Variants in WT1 observed in about 807,000 individuals in gnomAD.
WT1 encodes WT1 transcription factor, also known as Wilms tumor protein.
In WT1, 8 loss-of-function variants were observed where a neutral mutation model predicts 60.8. The ratio of observed to expected loss-of-function variants is 0.13; its 90% confidence interval spans 0.08 to 0.24. The LOEUF (loss-of-function observed/expected upper bound fraction) is 0.24. WT1 is among the 10% of genes least tolerant of loss of function. The pLI is 1.00. For missense variants in WT1, 568 were observed against 711.8 expected (o/e 0.80, Z 2.30); for synonymous variants, 312 against 297.1 (o/e 1.05, Z -0.52).
chr11:32,408,430 A>T (rs1852388851), intron 5 of WT1, among the ~76,000 whole-genome samples: 1 of 148,600 alleles, frequency 6.7e-6, no homozygotes, highest in African/African-American at 2.5e-5. Context: ...CAGGAGAATC[A>T]CTTGAACCCA....
intron 3 of WT1, among the ~76,000 whole-genome samples, chr11:32,426,215 A>G (rs1458557064): frequency 1.3e-5 from 2 of 152,172 alleles, no homozygotes; most frequent in African/African-American, 4.8e-5. Flanking sequence ...CTCCCGCATC[A>G]AGGTCTTCTC....
chr11:32,403,347 C>T (rs951533843), intron 5 of WT1, among the ~76,000 whole-genome samples: 13 of 152,000 alleles, frequency 8.6e-5, no homozygotes, highest in African/African-American at 2.4e-4. Flanking sequence ...AAAAGCAACT[C>T]GGTCTGGGAA....
chr11:32,428,117 C>G (rs1474905818), intron 2 of WT1, 59 bp from the exon 3 acceptor site: 1 of 1,461,472 alleles, frequency 6.8e-7, no homozygotes, highest in African/African-American at 1.4e-5. Context: ...GGGTGCGAGG[C>G]TGCGGGCAGG....
chr11:32,421,376 G>C (rs1251175191), intron 3 of WT1, among the ~76,000 whole-genome samples: 1 of 152,246 alleles, frequency 6.6e-6, no homozygotes, highest in Non-Finnish European at 1.5e-5. Flanking sequence ...CTGTGGTCAC[G>C]TAGGCATTTC....
In WT1 at chr11:32,389,005, C is replaced by G. The variant is rs1422395057; in HGVS notation, c.*53G>C. On this transcript the variant is annotated 3_prime_UTR_variant, in exon 10 of 10. Transcript: ENST00000452863. ...AGGAGTGGAGAGTCAGACTTGAAAGCAGTTCACACACTGTGCTGCCTGGGA... is the reference window on the plus strand; with the variant it reads ...AGGAGTGGAGAGTCAGACTTGAAAGGAGTTCACACACTGTGCTGCCTGGGA... The G allele has an allele frequency of 6.2e-7, 1 of 1,613,300 alleles. No homozygotes were observed.
At chr11:32,391,742 C>G (rs1340551390) in intron 9 of WT1, among the ~76,000 whole-genome samples, 1 of 152,212 alleles carries the variant, frequency 6.6e-6, no homozygotes, top group Non-Finnish European at 1.5e-5. Context: ...ATTCTGCACA[C>G]TCCAGCCATT....
At chr11:32,426,210 G>C (rs186901506) in intron 3 of WT1, among the ~76,000 whole-genome samples, 8 of 152,172 alleles carry the variant, frequency 5.3e-5, no homozygotes, top group African/African-American at 1.9e-4. Context: ...GCCCACTCCC[G>C]CATCAAGGTC....
intron 1 of WT1, among the ~76,000 whole-genome samples, chr11:32,434,001 T>C (rs1296489050): frequency 6.6e-6 from 1 of 152,222 alleles, no homozygotes; most frequent in African/African-American, 2.4e-5. Flanking sequence ...TCAAGTTCTC[T>C]TCCATCCCCA....
In WT1 at chr11:32,417,032, T is replaced by C. The variant is rs5030204; in HGVS notation, c.966-492A>G. The stretch of plus-strand genomic sequence containing the variant: ...AGTCCCACCTGCCTTCTTTTTTTTA[T>C]TTTTTCATTTTTAGGTGCAAAGAGT... On this transcript the variant is annotated intron_variant, in intron 4 of 9. Transcript: ENST00000452863. 6.5e-3 allele frequency among the ~76,000 whole-genome samples: 990 copies of C among 152,266 alleles called. 8 individuals carry two copies. Among genetic ancestry groups the C allele is most frequent in the African/African-American group, 0.023 (937 of 41,540 alleles).
rs767850217 is a variant in WT1, at chr11:32,434,770, C to T, written c.591G>A (p.Gln197=). Reference sequence around the variant, plus strand: ...AGGGCGCGTTAGGAAACATCCTGGCCTGGCCGGATGACGCCTGGCTGGGCG... The same window carrying T: ...AGGGCGCGTTAGGAAACATCCTGGCTTGGCCGGATGACGCCTGGCTGGGCG... The change falls in exon 1 of 10, where the codon CAG becomes CAA. Residue 197 remains glutamine, a synonymous_variant. Transcript: ENST00000452863. 6.2e-7 allele frequency: 1 copy of T among 1,612,664 alleles called. No individual in the cohort carries two copies. The highest frequency in any genetic ancestry group is 8.5e-7 in the Non-Finnish European group (1 of 1,179,874).
At chr11:32,429,044 G>A (rs1853171002) in intron 1 of WT1, 1 of 304,252 alleles carries the variant, frequency 3.3e-6, no homozygotes. Context: ...GGCTAACCCC[G>A]CGTTGACTCC....
intron 5 of WT1, among the ~76,000 whole-genome samples, chr11:32,407,577 A>C (rs1380638626): frequency 6.6e-6 from 1 of 152,126 alleles, no homozygotes; most frequent in African/African-American, 2.4e-5. Context: ...TGCAGAGTTA[A>C]TCAGATTGAA....
chr11:32,421,700 G>A (rs755324436), intron 3 of WT1, among the ~76,000 whole-genome samples: 10 of 152,060 alleles, frequency 6.6e-5, no homozygotes, highest in African/African-American at 2.4e-5. Flanking sequence ...TTAAGTTCTC[G>A]ACCTCTGCAC....
At chr11:32,407,244 C>CA (rs1394996010) in intron 5 of WT1, among the ~76,000 whole-genome samples, 1 of 137,800 alleles carries the variant, frequency 7.3e-6, no homozygotes, top group East Asian at 1.9e-4. Context: ...TCAGGAAAAA[C>CA]AAAAAAACAA....
intron 1 of WT1, chr11:32,430,457 A>AGG (rs1853253757): frequency 1.3e-4 from 25 of 194,764 alleles, no homozygotes; most frequent in Admixed American, 3.2e-4. Context: ...AGAGGGAGGG[A>AGG]GAGAGAGAGA....
At position 32,396,711 on chromosome 11, in the gene WT1, G is replaced by T. The variant is rs547004602; in HGVS notation, c.1114-304C>A. On this transcript the variant is annotated intron_variant, in intron 6 of 9. Transcript: ENST00000452863. ...GCAAAAGAAATGCTGGTACCTGGAA[G>T]AGCTCCCAATCCATTCTATCTCTCA... Among the ~76,000 whole-genome samples, 4 of 152,320 alleles carry T rather than the reference G, an allele frequency of 2.6e-5. 1 individual carries two copies. The highest frequency in any genetic ancestry group is 9.6e-5 in the African/African-American group (4 of 41,558).
At chr11:32,404,625 T>G (rs1473281580) in intron 5 of WT1, among the ~76,000 whole-genome samples, 4 of 152,232 alleles carry the variant, frequency 2.6e-5, no homozygotes, top group Admixed American at 6.5e-5. Flanking sequence ...TCCTTTGGTT[T>G]TATTGTTCAA....
chr11:32,432,133 G>T (rs1239352467), intron 1 of WT1, among the ~76,000 whole-genome samples: 1 of 152,228 alleles, frequency 6.6e-6, no homozygotes, highest in Non-Finnish European at 1.5e-5. Context: ...TAATATTTAA[G>T]AATTTAAAAT....
intron 1 of WT1, among the ~76,000 whole-genome samples, chr11:32,431,952 A>G (rs1166562842): frequency 6.6e-6 from 1 of 152,156 alleles, no homozygotes; most frequent in Non-Finnish European, 1.5e-5. Context: ...CTAATCTCAT[A>G]GAACCTGGAT....
Sources: gnomAD v4.1 joint callset for allele counts (sites outside exome capture counted in the v4.1 genomes callset) on GRCh38, gnomAD v4.1.1 for gene constraint, MANE v1.5 for transcripts, NCBI Gene and HGNC (gene_info 2026-07-23, HGNC 2026-07-21) for gene names.